The following SMYD3 variants were observed in gnomAD, a reference collection of about 807,000 sequenced individuals.
SMYD3 encodes the protein SET and MYND domain containing 3.
A neutral mutation model predicts 57.7 loss-of-function variants in SMYD3; 36 were observed. The observed-to-expected ratio is 0.62, with a 90% CI of 0.48 to 0.82. SMYD3 has a LOEUF of 0.82. Among genes scored for constraint, SMYD3 ranks in the 40% least tolerant of loss-of-function variants. The pLI is 0.00. For missense variants in SMYD3, 515 were observed against 538.8 expected (o/e 0.96, Z 0.44); for synonymous variants, 211 against 195.0 (o/e 1.08, Z -0.68).
At chr1:246,340,913 G>T (rs922001347) in intron 2 of SMYD3, among the ~76,000 whole-genome samples, 1 of 152,074 alleles carries the variant, frequency 6.6e-6, no homozygotes, top group Admixed American at 6.6e-5. Context: ...AGGCTAAGAT[G>T]GGAGGTCGAG....
intron 5 of SMYD3, among the ~76,000 whole-genome samples, chr1:246,049,968 A>G (rs4396095): frequency 0.38 from 58,092 of 152,084 alleles, 14,010 homozygotes; most frequent in African/African-American, 0.66. Flanking sequence ...ACTGAACAAA[A>G]GTAAACAGAA....
chr1:245,817,046 C>G (rs965914788), intron 10 of SMYD3, among the ~76,000 whole-genome samples: 3 of 151,548 alleles, frequency 2.0e-5, no homozygotes, highest in East Asian at 3.9e-4. Context: ...GAGCCCACCA[C>G]AGCTCAAGGA....
chr1:246,127,946 T>C (rs149884415), intron 5 of SMYD3, among the ~76,000 whole-genome samples: 2 of 151,574 alleles, frequency 1.3e-5, no homozygotes, highest in East Asian at 1.9e-4. Context: ...GAGAGGAGAT[T>C]ATATAGCTAA....
intron 5 of SMYD3, among the ~76,000 whole-genome samples, chr1:246,177,960 G>A (rs1338784746): frequency 6.6e-6 from 1 of 152,132 alleles, no homozygotes; most frequent in East Asian, 1.9e-4. Context: ...TTTCAAAAAG[G>A]GTGCTGCCTC....
intron 3 of SMYD3, among the ~76,000 whole-genome samples, chr1:246,332,987 C>T (rs1296164855): frequency 6.6e-6 from 1 of 152,188 alleles, no homozygotes; most frequent in African/African-American, 2.4e-5. Flanking sequence ...TCACTTAGGA[C>T]TTTCATAGCT....
At chr1:245,882,102 G>T (rs1173965249) in intron 8 of SMYD3, among the ~76,000 whole-genome samples, 1 of 152,200 alleles carries the variant, frequency 6.6e-6, no homozygotes, top group Non-Finnish European at 1.5e-5. Context: ...CAACAGGGTG[G>T]AAACAGGCAG....
intron 5 of SMYD3, among the ~76,000 whole-genome samples, chr1:246,095,312 C>A (rs2060895260): frequency 6.6e-6 from 1 of 152,200 alleles, no homozygotes; most frequent in African/African-American, 2.4e-5. Context: ...GCTACTCAAT[C>A]ATTAATTTAA....
chr1:245,895,391 G>T (rs928992836), intron 8 of SMYD3, among the ~76,000 whole-genome samples: 4 of 152,184 alleles, frequency 2.6e-5, no homozygotes, highest in Non-Finnish European at 5.9e-5. Flanking sequence ...TTAGAAACGG[G>T]AAACATTCTG....
chr1:246,264,656 T>A (rs2064071068), intron 5 of SMYD3, among the ~76,000 whole-genome samples: 1 of 152,212 alleles, frequency 6.6e-6, no homozygotes, highest in South Asian at 2.1e-4. Flanking sequence ...ACCATCTCCA[T>A]AGCCTAAGAG....
At chr1:246,443,149 C>A (rs12130594) in intron 1 of SMYD3, among the ~76,000 whole-genome samples, 60,018 of 151,954 alleles carry the variant, frequency 0.39, 13,156 homozygotes, top group Admixed American at 0.49. Context: ...TATATACATG[C>A]CTAAGAAATT....
chr1:245,787,926 G>A (rs915508818), intron 10 of SMYD3, among the ~76,000 whole-genome samples: 12 of 152,126 alleles, frequency 7.9e-5, no homozygotes, highest in Admixed American at 5.2e-4. Context: ...GCATTGTACT[G>A]GTCACATGCT....
At position 245,945,334 on chromosome 1, in the gene SMYD3, A is replaced by G. The variant is rs138136445; in HGVS notation, c.532-15397T>C. 6.4e-4 allele frequency among the ~76,000 whole-genome samples: 97 copies of G among 152,354 alleles called. 1 individual carries two copies. The East Asian group carries it at 0.014, about 21-fold the overall frequency. ...AAATGGGCAAAGGACATGAACAGAC[A>G]CTTCTCAAAAGAAGACATTTATGCT... On this transcript the variant is annotated intron_variant, in intron 5 of 11. Coordinates refer to ENST00000490107, the MANE Select transcript of SMYD3 (RefSeq NM_001167740.2).
At chr1:246,225,321 CAA>C (rs60915002) in intron 5 of SMYD3, among the ~76,000 whole-genome samples, 27 of 76,278 alleles carry the variant, frequency 3.5e-4, no homozygotes, top group Admixed American at 5.5e-4. Flanking sequence ...GCTGAAAAGT[CAA>C]AAAAAAAAAA....
In SMYD3 at chr1:245,863,905, G is replaced by A. The variant is rs533226979; in HGVS notation, c.814-19C>T. The A allele has an allele frequency of 6.2e-7, 1 of 1,611,104 alleles. No homozygotes were observed. Among genetic ancestry groups the A allele is most frequent in the Non-Finnish European group, 8.5e-7 (1 of 1,177,356 alleles). ...CAGCATCCTGCTCAGGCCAGAAAAG[G>A]AAGACAAATAATCTAATTAGTAATA... On this transcript the variant is annotated intron_variant, in intron 8 of 11. Coordinates refer to ENST00000490107, the MANE Select transcript of SMYD3 (RefSeq NM_001167740.2).
At chr1:245,820,628 T>C (rs1039169362) in intron 10 of SMYD3, among the ~76,000 whole-genome samples, 1 of 152,150 alleles carries the variant, frequency 6.6e-6, no homozygotes, top group Non-Finnish European at 1.5e-5. Context: ...GACGACATGA[T>C]TGTATATCTA....
intron 5 of SMYD3, among the ~76,000 whole-genome samples, chr1:246,288,887 T>C (rs554825077): frequency 6.6e-6 from 1 of 152,216 alleles, no homozygotes; most frequent in East Asian, 1.9e-4. Flanking sequence ...CTGAGTTGTG[T>C]GGATCACCTG....
At chr1:246,385,379 C>G (rs1361952656) in intron 1 of SMYD3, among the ~76,000 whole-genome samples, 1 of 143,590 alleles carries the variant, frequency 7.0e-6, no homozygotes, top group Non-Finnish European at 1.6e-5. Flanking sequence ...ATTCTTAATA[C>G]TTAAAATTCA....
Position 246,468,036 on chromosome 1 carries a change from C to T in SMYD3, c.164+39018G>A, listed in dbSNP as rs545271279. Among the ~76,000 whole-genome samples, 4 of 151,930 alleles carry T rather than the reference C, an allele frequency of 2.6e-5. No individual in the cohort carries two copies. In the East Asian group the frequency reaches 7.8e-4, roughly 30 times the overall value. ...ATTAGGCGGGCGTGGTGGCACATGC[C>T]TGTAGTCCCAACTACTCAGAAGGCT... On this transcript the variant is annotated intron_variant, in intron 1 of 11. Coordinates refer to ENST00000490107, the MANE Select transcript of SMYD3 (RefSeq NM_001167740.2).
chr1:246,107,294 G>GAAAAA (rs918207260), intron 5 of SMYD3, among the ~76,000 whole-genome samples: 1 of 138,148 alleles, frequency 7.2e-6, no homozygotes, highest in Admixed American at 7.2e-5. Context: ...CGCAAAAAAA[G>GAAAAA]AAAAAAAAAA....
Sources: allele counts gnomAD v4.1 joint callset (sites outside exome capture counted in the v4.1 genomes callset), GRCh38; gene constraint gnomAD v4.1.1; transcripts MANE v1.5; gene names NCBI Gene and HGNC (gene_info 2026-07-23, HGNC 2026-07-21).